The following CADM2 variants were observed in gnomAD, a reference collection of about 807,000 sequenced individuals.
CADM2 encodes cell adhesion molecule 2.
Under a neutral mutation model 49.8 loss-of-function variants are expected in CADM2, and 12 were observed. The ratio of observed to expected loss-of-function variants is 0.24; its 90% CI spans 0.15 to 0.39. The LOEUF is 0.39. Ranked by LOEUF, CADM2 falls within the 10% of genes least tolerant of loss-of-function variation. The pLI, the probability that CADM2 is intolerant of heterozygous loss-of-function variation, is 1.00. For missense variants in CADM2, 378 were observed against 492.3 expected, an observed-to-expected ratio of 0.77 and a Z score of 2.20; for synonymous variants, 214 against 175.4, an observed-to-expected ratio of 1.22 and a Z score of -1.74.
At chr3:85,452,561 AAACAAC>A (rs372658021) in intron 1 of CADM2, among the ~76,000 whole-genome samples, 5 of 152,148 alleles carry the variant, frequency 3.3e-5, no homozygotes, top group Non-Finnish European at 7.4e-5. Flanking sequence ...AAGGCAATTA[AAACAAC>A]AACAACAACA....
chr3:84,972,032 G>T (rs892452319), intron 1 of CADM2, among the ~76,000 whole-genome samples: 4 of 152,138 alleles, frequency 2.6e-5, no homozygotes, highest in African/African-American at 9.7e-5. Context: ...GCTATCAATG[G>T]ACTAATTAAA....
intron 1 of CADM2, among the ~76,000 whole-genome samples, chr3:85,129,528 G>A (rs1007092910): frequency 2.0e-4 from 30 of 151,998 alleles, no homozygotes; most frequent in Non-Finnish European, 1.9e-4. Context: ...GATTCCAGTT[G>A]AACCAACATT....
At chr3:85,548,442 A>G (rs1576776174) in intron 1 of CADM2, among the ~76,000 whole-genome samples, 1 of 151,992 alleles carries the variant, frequency 6.6e-6, no homozygotes, top group East Asian at 2.0e-4. Context: ...TGAAGGAGAA[A>G]TTTGCAGTAG....
chr3:85,569,720 A>AC lies in CADM2; in HGVS notation c.62-156802_62-156801insC, dbSNP rs1292559917. Among the ~76,000 whole-genome samples the AC allele has an allele frequency of 1.1e-4, 17 of 151,878 alleles. No individual in the cohort carries two copies. The East Asian group carries it at 3.3e-3, about 29-fold the overall frequency. ...TAATGGCAAAAAAAAAAAAAGAAAAAAAAAAGAAAATAGAATGAAATGAGA... is the reference window on the plus strand; with the variant it reads ...TAATGGCAAAAAAAAAAAAAGAAAAACAAAAAGAAAATAGAATGAAATGAGA... On this transcript the variant is annotated intron_variant, in intron 1 of 9. Coordinates refer to ENST00000383699, the MANE Select transcript of CADM2 (RefSeq NM_001167675.2).
intron 7 of CADM2, among the ~76,000 whole-genome samples, chr3:85,953,092 A>G (rs1350625941): frequency 1.3e-5 from 2 of 150,758 alleles, no homozygotes; most frequent in Non-Finnish European, 3.0e-5. Context: ...TTATGACCAA[A>G]ACTTTCCTTC....
intron 1 of CADM2, among the ~76,000 whole-genome samples, chr3:85,410,644 T>C (rs1448667199): frequency 6.6e-6 from 1 of 151,746 alleles, no homozygotes; most frequent in Non-Finnish European, 1.5e-5. Flanking sequence ...TTAAAAAGAG[T>C]TAAACTCCTT....
intron 8 of CADM2, among the ~76,000 whole-genome samples, chr3:85,963,315 G>A (rs1017686326): frequency 6.6e-6 from 1 of 151,902 alleles, no homozygotes; most frequent in African/African-American, 2.4e-5. Context: ...AATCCAATTA[G>A]ACTGATAAAT....
intron 2 of CADM2, among the ~76,000 whole-genome samples, chr3:85,746,362 G>C (rs572449947): frequency 3.3e-5 from 5 of 152,110 alleles, no homozygotes; most frequent in Admixed American, 6.6e-5. Context: ...GAAAAGCCCT[G>C]TGTGTTTTTC....
chr3:85,782,861 G>A (rs1050949620), intron 2 of CADM2, among the ~76,000 whole-genome samples: 8 of 151,910 alleles, frequency 5.3e-5, no homozygotes, highest in African/African-American at 1.9e-4. Flanking sequence ...CGTAATCGAG[G>A]GTAGGGAGAT....
chr3:85,512,619 T>C (rs1342990278), intron 1 of CADM2, among the ~76,000 whole-genome samples: 2 of 152,108 alleles, frequency 1.3e-5, no homozygotes, highest in Non-Finnish European at 2.9e-5. Context: ...AATGCAAAAC[T>C]ACTTTGTTAG....
chr3:85,484,885 T>G (rs1296740255), intron 1 of CADM2, among the ~76,000 whole-genome samples: 1 of 151,954 alleles, frequency 6.6e-6, no homozygotes, highest in Non-Finnish European at 1.5e-5. Flanking sequence ...AGAGTTTGGA[T>G]TTTTGACTCA....
intron 1 of CADM2, among the ~76,000 whole-genome samples, chr3:85,127,066 C>G (rs2039059729): frequency 6.6e-6 from 1 of 151,952 alleles, no homozygotes; most frequent in South Asian, 2.1e-4. Flanking sequence ...TTTAGTAGAT[C>G]CATGATGAAC....
intron 3 of CADM2, among the ~76,000 whole-genome samples, chr3:85,859,661 C>G (rs976836140): frequency 1.3e-5 from 2 of 152,214 alleles, no homozygotes; most frequent in Non-Finnish European, 2.9e-5. Flanking sequence ...TCTTCCTTCT[C>G]CAAATCTAAT....
chr3:85,571,318 T>G (rs879944397), intron 1 of CADM2, among the ~76,000 whole-genome samples: 3 of 152,168 alleles, frequency 2.0e-5, no homozygotes, highest in Non-Finnish European at 2.9e-5. Flanking sequence ...AAAATGGCTT[T>G]TTTTCCAGTT....
chr3:85,600,659 T>A (rs1191105938), intron 1 of CADM2, among the ~76,000 whole-genome samples: 1 of 151,818 alleles, frequency 6.6e-6, no homozygotes, highest in Non-Finnish European at 1.5e-5. Flanking sequence ...GTTGTTTTTT[T>A]TTTAAATACG....
chr3:85,064,447 G>A (rs2036449348), intron 1 of CADM2, among the ~76,000 whole-genome samples: 1 of 151,988 alleles, frequency 6.6e-6, no homozygotes, highest in Non-Finnish European at 1.5e-5. Context: ...TATTTGACTT[G>A]TTTTAGTGAG....
intron 2 of CADM2, among the ~76,000 whole-genome samples, chr3:85,729,861 C>A (rs1455867419): frequency 6.6e-6 from 1 of 152,058 alleles, no homozygotes; most frequent in Non-Finnish European, 1.5e-5. Context: ...CTTTTCTGAA[C>A]TTGACTTAAC....
chr3:85,294,308 G>C (rs985932888), intron 1 of CADM2, among the ~76,000 whole-genome samples: 1 of 152,204 alleles, frequency 6.6e-6, no homozygotes, highest in South Asian at 2.1e-4. Context: ...ACAAATGGAC[G>C]AACATTCTAT....
At chr3:85,195,967 C>A in intron 1 of CADM2, among the ~76,000 whole-genome samples, 1 of 151,946 alleles carries the variant, frequency 6.6e-6, no homozygotes, top group East Asian at 1.9e-4. Flanking sequence ...CAAAATTAAT[C>A]AGACAATTTA....
Sources: allele counts gnomAD v4.1 joint callset (sites outside exome capture counted in the v4.1 genomes callset), GRCh38; gene constraint gnomAD v4.1.1; transcripts MANE v1.5; gene names NCBI Gene and HGNC (gene_info 2026-07-23, HGNC 2026-07-21).